UNC13B: variants seen among roughly 807,000 people sequenced by gnomAD.
UNC13B encodes the protein protein unc-13 homolog B.
UNC13B carries 144 observed loss-of-function variants against 211.0 expected under a neutral mutation model. The observed-to-expected ratio is 0.68, with a 90% CI of 0.60 to 0.78. The LOEUF (loss-of-function observed/expected upper bound fraction) is 0.78. UNC13B is among the 30% of genes least tolerant of loss of function. UNC13B has a pLI of 0.00. For missense variants in UNC13B, 1,777 were observed against 2,002.0 expected (o/e 0.89, Z 2.14); for synonymous variants, 709 against 725.8 (o/e 0.98, Z 0.37).
intron 11 of UNC13B, among the ~76,000 whole-genome samples, chr9:35,338,080 C>G (rs1831767272): frequency 6.6e-6 from 1 of 152,176 alleles, no homozygotes; most frequent in Non-Finnish European, 1.5e-5. Flanking sequence ...GGCATTAGTC[C>G]TAAATCTGGG....
At chr9:35,267,541 G>A (rs1587504712) in intron 7 of UNC13B, among the ~76,000 whole-genome samples, 1 of 152,296 alleles carries the variant, frequency 6.6e-6, no homozygotes, top group East Asian at 1.9e-4. Context: ...AGTCTTCATG[G>A]GACAGGGGCA....
At chr9:35,350,434 A>G (rs1172954291) in intron 11 of UNC13B, among the ~76,000 whole-genome samples, 2 of 152,206 alleles carry the variant, frequency 1.3e-5, no homozygotes, top group Non-Finnish European at 2.9e-5. Flanking sequence ...AGTGTGCTGG[A>G]CAATCACTTA....
At position 35,377,698 on chromosome 9, in the gene UNC13B, G is replaced by A. The variant is rs1207245559; in HGVS notation, c.10063+3G>A. 6 of 1,613,098 alleles carry A rather than the reference G, an allele frequency of 3.7e-6. No individual in the cohort carries two copies. Among genetic ancestry groups the A allele is most frequent in the Non-Finnish European group, 5.1e-6 (6 of 1,179,508 alleles). ...GTCAGCCAAGATCACCATTACTGGTGAGCAGGCCACAGTTTGAGGGGACAG... is the reference window on the plus strand; with the variant it reads ...GTCAGCCAAGATCACCATTACTGGTAAGCAGGCCACAGTTTGAGGGGACAG... On this transcript the variant is annotated splice_donor_region_variant and intron_variant, in intron 16 of 39. Coordinates refer to ENST00000635942, the MANE Select transcript of UNC13B (RefSeq NM_001371189.2).
chr9:35,218,884 G>A lies in UNC13B; in HGVS notation c.23-9131G>A, dbSNP rs536800178. On this transcript the variant is annotated intron_variant, in intron 1 of 39. Coordinates refer to ENST00000635942, the MANE Select transcript of UNC13B (RefSeq NM_001371189.2). The stretch of plus-strand genomic sequence containing the variant: ...CCTGCCTCAGCCTCCTGAGTAGCTG[G>A]GATTACAGGCATGCACCACCACGCC... Among the ~76,000 whole-genome samples the A allele has an allele frequency of 7.9e-5, 12 of 152,048 alleles. No individual in the cohort carries two copies. In the South Asian group the frequency reaches 2.1e-3, roughly 26 times the overall value.
intron 7 of UNC13B, among the ~76,000 whole-genome samples, chr9:35,270,221 C>T (rs572547412): frequency 6.6e-6 from 1 of 152,118 alleles, no homozygotes; most frequent in Admixed American, 6.5e-5. Flanking sequence ...CTTCTTGGCT[C>T]TTTGGATGGA....
intron 7 of UNC13B, among the ~76,000 whole-genome samples, chr9:35,293,483 T>C (rs1587555333): frequency 6.6e-6 from 1 of 152,350 alleles, no homozygotes; most frequent in East Asian, 1.9e-4. Context: ...ATACTTTTCC[T>C]GCCAGAGTTT....
chr9:35,341,264 G>T (rs910086221), intron 11 of UNC13B, among the ~76,000 whole-genome samples: 3 of 152,208 alleles, frequency 2.0e-5, no homozygotes, highest in African/African-American at 7.2e-5. Context: ...CTTTGGCATA[G>T]CCTGAGGGAG....
intron 7 of UNC13B, among the ~76,000 whole-genome samples, chr9:35,271,353 A>G (rs1215889095): frequency 6.6e-6 from 1 of 152,094 alleles, no homozygotes; most frequent in African/African-American, 2.4e-5. Context: ...AGATGCCAGG[A>G]GACGCATGTG....
chr9:35,367,618 T>C (rs1471150926), intron 12 of UNC13B, among the ~76,000 whole-genome samples: 1 of 146,346 alleles, frequency 6.8e-6, no homozygotes, highest in Non-Finnish European at 1.5e-5. Context: ...CATTCCATTG[T>C]TGATGGTGTG....
intron 3 of UNC13B, among the ~76,000 whole-genome samples, chr9:35,234,951 G>A (rs1419123763): frequency 6.6e-6 from 1 of 152,150 alleles, no homozygotes; most frequent in African/African-American, 2.4e-5. Context: ...TTGTTTTCCT[G>A]AGAATGCCTT....
At position 35,375,192 on chromosome 9, in the gene UNC13B, C is replaced by G; in HGVS notation, c.9606C>G (p.Asp3202Glu). The stretch of plus-strand genomic sequence containing the variant: ...TGGCTACACGCACTTCTCTTAAGGA[C>G]GAAGAGCTGGTAAGTGTCCCAAGTG... Reference protein sequence around the residue: ...SAMATRTSLKDEELKSHVYKK... With the variant: ...SAMATRTSLKEEELKSHVYKK... The change falls in exon 14 of 40, where the codon GAC becomes GAG. Residue 3202 changes from aspartate to glutamate, a missense_variant. Transcript: ENST00000635942. 6.2e-7 allele frequency: 1 copy of G among 1,614,058 alleles called. No individual in the cohort carries two copies. Among genetic ancestry groups the G allele is most frequent in the Non-Finnish European group, 8.5e-7 (1 of 1,179,932 alleles).
intron 11 of UNC13B, among the ~76,000 whole-genome samples, chr9:35,338,919 G>C (rs985473682): frequency 6.6e-6 from 1 of 152,188 alleles, no homozygotes; most frequent in African/African-American, 2.4e-5. Context: ...ATTGTGATTG[G>C]TGAGGCCCTC....
At chr9:35,326,758 A>T (rs1332078172) in intron 11 of UNC13B, among the ~76,000 whole-genome samples, 1 of 152,248 alleles carries the variant, frequency 6.6e-6, no homozygotes, top group African/African-American at 2.4e-5. Context: ...TTATAACCAT[A>T]TACTGTAATT....
At chr9:35,175,841 AC>A (rs1248413679) in intron 1 of UNC13B, among the ~76,000 whole-genome samples, 2 of 131,294 alleles carry the variant, frequency 1.5e-5, no homozygotes, top group Non-Finnish European at 3.2e-5. Context: ...ACATGGTGAA[AC>A]CCCGTCTCTA....
intron 3 of UNC13B, among the ~76,000 whole-genome samples, chr9:35,232,509 G>T (rs1825273884): frequency 6.6e-6 from 1 of 151,898 alleles, no homozygotes. Context: ...GACCATTATT[G>T]TGATAGTTAA....
At chr9:35,313,878 G>A (rs374633975) in intron 10 of UNC13B, 21 bp from the exon 11 acceptor site, 2 of 1,594,832 alleles carry the variant, frequency 1.3e-6, no homozygotes, top group African/African-American at 2.7e-5. Flanking sequence ...TTTAAGAAAT[G>A]TACTTTTTCT....
chr9:35,248,784 T>A (rs1247903175), intron 6 of UNC13B, among the ~76,000 whole-genome samples: 2 of 152,208 alleles, frequency 1.3e-5, no homozygotes, highest in Non-Finnish European at 2.9e-5. Flanking sequence ...AACTATGTGG[T>A]CAATTTTAGA....
At chr9:35,360,319 G>A (rs1564164404) in intron 11 of UNC13B, among the ~76,000 whole-genome samples, 2 of 152,224 alleles carry the variant, frequency 1.3e-5, no homozygotes, top group African/African-American at 4.8e-5. Flanking sequence ...AAGAATGTCT[G>A]TTAGGAATTT....
At position 35,231,115 on chromosome 9, in the gene UNC13B, C is replaced by G. The variant is rs1388688054; in HGVS notation, c.53-5C>G. 6.3e-7 allele frequency: 1 copy of G among 1,598,756 alleles called. No homozygotes were observed. Among genetic ancestry groups the G allele is most frequent in the African/African-American group, 1.3e-5 (1 of 74,526 alleles). On this transcript the variant is annotated splice_polypyrimidine_tract_variant and splice_region_variant and intron_variant, in intron 2 of 39. Coordinates refer to ENST00000635942, the MANE Select transcript of UNC13B (RefSeq NM_001371189.2). ...ATTATGTCTCCATTTTGTATTTTTT[C>G]AAAGATAAATTTAACACATATGTGA...
Sources: gnomAD v4.1 joint callset for allele counts (sites outside exome capture counted in the v4.1 genomes callset) on GRCh38, gnomAD v4.1.1 for gene constraint, MANE v1.5 for transcripts, NCBI Gene and HGNC (gene_info 2026-07-23, HGNC 2026-07-21) for gene names.